C13orf42: variants seen among roughly 807,000 people sequenced by gnomAD.
C13orf42 encodes uncharacterized protein C13orf42.
At chr13:51,117,660 C>A (rs2138010770) in intron 1 of C13orf42, among the ~76,000 whole-genome samples, 1 of 152,262 alleles carries the variant, frequency 6.6e-6, no homozygotes, top group Admixed American at 6.5e-5. Flanking sequence ...TCTCCTGCAC[C>A]TACCTCCTAC....
At chr13:51,147,206 C>G (rs1953742058) in intron 1 of C13orf42, among the ~76,000 whole-genome samples, 2 of 147,786 alleles carry the variant, frequency 1.4e-5, no homozygotes, top group South Asian at 4.3e-4. Flanking sequence ...ACATTGCTCT[C>G]AGACCTTGGA....
intron 1 of C13orf42, among the ~76,000 whole-genome samples, chr13:51,136,818 G>A (rs577826795): frequency 4.9e-4 from 75 of 152,318 alleles, no homozygotes; most frequent in African/African-American, 1.7e-3. Flanking sequence ...ATGCATTCAC[G>A]CATTGGGTCA....
intron 1 of C13orf42, among the ~76,000 whole-genome samples, chr13:51,141,516 A>G (rs536374797): frequency 1.3e-5 from 2 of 152,274 alleles, no homozygotes; most frequent in African/African-American, 4.8e-5. Flanking sequence ...AGAAAAATAA[A>G]AGGCTAGGTG....
At chr13:51,120,992 C>G (rs555751151) in intron 1 of C13orf42, among the ~76,000 whole-genome samples, 1 of 152,144 alleles carries the variant, frequency 6.6e-6, no homozygotes, top group East Asian at 1.9e-4. Flanking sequence ...CCAGTCTGGG[C>G]GACTGAGCGA....
intron 1 of C13orf42, among the ~76,000 whole-genome samples, chr13:51,089,325 G>T (rs1291087933): frequency 6.6e-6 from 1 of 152,062 alleles, no homozygotes; most frequent in Non-Finnish European, 1.5e-5. Flanking sequence ...GATGTTGAAG[G>T]ACCACAATAT....
intron 1 of C13orf42, among the ~76,000 whole-genome samples, chr13:51,145,219 G>C (rs1462269708): frequency 6.6e-6 from 1 of 152,130 alleles, no homozygotes; most frequent in Non-Finnish European, 1.5e-5. Context: ...ACTGAAGCCA[G>C]AGAACTTAAG....
At chr13:51,147,641 A>C (rs1953747079) in intron 1 of C13orf42, among the ~76,000 whole-genome samples, 1 of 152,024 alleles carries the variant, frequency 6.6e-6, no homozygotes. Context: ...AGGCTGGAGA[A>C]TCGCTTGAAC....
In C13orf42 at chr13:51,107,037, C is replaced by T. The variant is rs553676028; in HGVS notation, c.414+3759G>A. Among the ~76,000 whole-genome samples, 6 of 152,328 alleles carry T rather than the reference C, an allele frequency of 3.9e-5. No homozygotes were observed. The East Asian group carries it at 7.7e-4, about 20-fold the overall frequency. On this transcript the variant is annotated intron_variant, in intron 1 of 3. Coordinates refer to ENST00000563710, the MANE Select transcript of C13orf42 (RefSeq NM_001351589.3). ...CACAGGGCCTGGCAGAGACTCCCAC[C>T]ATGCAGGGTCCCAGGAGGGGCTCCC... is the stretch of plus-strand genomic sequence containing the variant.
At chr13:51,108,255 G>C (rs1448155436) in intron 1 of C13orf42, among the ~76,000 whole-genome samples, 2 of 152,168 alleles carry the variant, frequency 1.3e-5, no homozygotes, top group African/African-American at 4.8e-5. Context: ...CACTATCTGT[G>C]GTACTGGGGG....
chr13:51,084,360 C>T (rs974876660), intron 3 of C13orf42, 35 bp from the exon 4 acceptor site: 3 of 398,596 alleles, frequency 7.5e-6, no homozygotes, highest in Admixed American at 4.4e-5. Flanking sequence ...GGTTTAAGTT[C>T]GGCTTGGCCG....
intron 1 of C13orf42, among the ~76,000 whole-genome samples, chr13:51,148,704 G>A (rs968709221): frequency 3.9e-5 from 6 of 152,204 alleles, no homozygotes; most frequent in Admixed American, 2.6e-4. Flanking sequence ...GCAGCGACGT[G>A]CCTTAGGAAA....
rs1014283913 is a variant in C13orf42 at position 51,102,123 on chromosome 13, T to C, written c.414+8673A>G. On this transcript the variant is annotated intron_variant, in intron 1 of 3. Transcript: ENST00000563710. ...TTTTTTGCAGTTCATATTGAATTTT[T>C]ACTGCCTTTCAACTATGTAAACCAG... 2.6e-5 allele frequency among the ~76,000 whole-genome samples: 4 copies of C among 152,198 alleles called. No homozygotes were observed. In the South Asian group the frequency reaches 8.3e-4, roughly 32 times the overall value.
intron 1 of C13orf42, among the ~76,000 whole-genome samples, chr13:51,107,384 T>A (rs569672252): frequency 6.6e-6 from 1 of 152,224 alleles, no homozygotes; most frequent in Non-Finnish European, 1.5e-5. Context: ...CAGGAGTAAG[T>A]CTATTTCATA....
chr13:51,119,291 G>A (rs1593541293), intron 1 of C13orf42, among the ~76,000 whole-genome samples: 1 of 152,078 alleles, frequency 6.6e-6, no homozygotes, highest in South Asian at 2.1e-4. Context: ...TAACACCTGG[G>A]TGCACTGGGA....
chr13:51,087,068 GC>G (rs1953135297), intron 2 of C13orf42, among the ~76,000 whole-genome samples: 1 of 152,224 alleles, frequency 6.6e-6, no homozygotes, highest in Admixed American at 6.5e-5. Flanking sequence ...GGGCCAGTGA[GC>G]CCCCTGAATA....
At chr13:51,159,381 C>T (rs1442005790) in intron 1 of C13orf42, among the ~76,000 whole-genome samples, 1 of 152,114 alleles carries the variant, frequency 6.6e-6, no homozygotes, top group African/African-American at 2.4e-5. Flanking sequence ...GATAGAATGA[C>T]AAGAAAATAA....
chr13:51,141,095 G>GGTGGGT (rs1953692263), intron 1 of C13orf42, among the ~76,000 whole-genome samples: 1 of 128,548 alleles, frequency 7.8e-6, no homozygotes, highest in Non-Finnish European at 1.6e-5. Flanking sequence ...ATCGAAGGGA[G>GGTGGGT]GTGTGTGTGT....
chr13:51,148,646 C>G (rs1283882499), intron 1 of C13orf42, among the ~76,000 whole-genome samples: 4 of 152,244 alleles, frequency 2.6e-5, no homozygotes, highest in Non-Finnish European at 4.4e-5. Context: ...TTTCCCTCCA[C>G]CACATGGTGG....
intron 1 of C13orf42, among the ~76,000 whole-genome samples, chr13:51,168,805 A>G (rs1257446269): frequency 1.3e-5 from 2 of 152,126 alleles, no homozygotes; most frequent in African/African-American, 4.8e-5. Context: ...TGCTGTTCTC[A>G]TATTAGTGAG....
Sources: gnomAD v4.1 joint callset for allele counts (sites outside exome capture counted in the v4.1 genomes callset) on GRCh38, gnomAD v4.1.1 for gene constraint, MANE v1.5 for transcripts, NCBI Gene and HGNC (gene_info 2026-07-23, HGNC 2026-07-21) for gene names.